Variants in SETD1A observed in about 807,000 individuals in gnomAD.
SETD1A encodes SET domain containing 1A, histone lysine methyltransferase, also known as histone-lysine N-methyltransferase SETD1A.
SETD1A carries 29 observed loss-of-function variants against 149.9 expected under a neutral mutation model. That is an observed-to-expected ratio of 0.19 (90% CI 0.14 to 0.26). The LOEUF is 0.26. SETD1A is among the 10% of genes least tolerant of loss of function. The pLI is 1.00. For synonymous variants in SETD1A, 1,141 were observed against 968.5 expected, an observed-to-expected ratio of 1.18 and a Z score of -3.31; for missense variants, 2,109 against 2,353.1, an observed-to-expected ratio of 0.90 and a Z score of 2.15.
chr16:30,968,086 C>A (rs887829877), intron 10 of SETD1A, among the ~76,000 whole-genome samples: 1 of 152,122 alleles, frequency 6.6e-6, no homozygotes, highest in Non-Finnish European at 1.5e-5. Flanking sequence ...GAAAATGATA[C>A]AAGATCAAAT....
chr16:30,961,144 T>G lies in SETD1A; in HGVS notation c.247-123T>G. ...GATGGATCCCTTATTTTGGGCCCCT[T>G]CCCTTGCCCCTCACTTTCCCGGATC... On this transcript the variant is annotated intron_variant, in intron 3 of 18. Transcript: ENST00000262519. The surrounding 1 kb of genome is among the most constrained non-coding windows in gnomAD (Gnocchi z 4.0). The G allele has an allele frequency of 1.0e-6, 1 of 979,444 alleles. No individual in the cohort carries two copies. Among genetic ancestry groups the G allele is most frequent in the Non-Finnish European group, 1.6e-6 (1 of 631,760 alleles). 60.7% of individuals were successfully genotyped at this position (979,444 alleles called of 1,614,324 possible).
At chr16:30,964,548 C>A in intron 6 of SETD1A, 64 bp from the exon 7 acceptor site, 1 of 1,568,588 alleles carries the variant, frequency 6.4e-7, no homozygotes, top group South Asian at 1.2e-5. Flanking sequence ...GGCCCTGGGA[C>A]CCAGTACGCT....
chr16:30,971,779 GT>G, intron 13 of SETD1A, 60 bp downstream of exon 13: 1 of 1,498,882 alleles, frequency 6.7e-7, no homozygotes, highest in East Asian at 2.3e-5. Flanking sequence ...AGAGAAAACA[GT>G]GGTGCTTGCA....
rs982205150 is a variant in SETD1A, at chr16:30,966,772, A to G, written c.2506-112A>G. On this transcript the variant is annotated intron_variant, in intron 8 of 18. Coordinates refer to ENST00000262519, the MANE Select transcript of SETD1A (RefSeq NM_014712.3). ...GGGCTGGGACAGGTGTGACCAAGATATGGAGCAGCAAGTAGATGCGTTCTG... is the reference window on the plus strand; with the variant it reads ...GGGCTGGGACAGGTGTGACCAAGATGTGGAGCAGCAAGTAGATGCGTTCTG... 3.2e-5 allele frequency: 40 copies of G among 1,238,188 alleles called. No individual in the cohort carries two copies. The Admixed American group carries it at 1.1e-3, about 34-fold the overall frequency. 76.7% of individuals were successfully genotyped at this position (1,238,188 alleles called of 1,614,324 possible).
chr16:30,983,677 A>G lies in SETD1A; in HGVS notation c.4855A>G (p.Ile1619Val). Residue 1619 changes from isoleucine to valine, a missense_variant, in exon 18 of 19, where the codon ATT becomes GTT. This residue lies in a region of SETD1A where 254 missense variants were observed against 409.3 expected (regional missense o/e 0.62). Coordinates refer to ENST00000262519, the MANE Select transcript of SETD1A (RefSeq NM_014712.3). This position sits in a 1 kb window ranked among gnomAD's most constrained non-coding sequence, Gnocchi z 6.8. ...MREKRYVQEGIGSSYLFRVDH... is the reference protein window; with the variant it reads ...MREKRYVQEGVGSSYLFRVDH... ...GGAGAAGCGCTACGTGCAGGAGGGC[A>G]TTGGCAGCAGCTACCTGTTCCGGGT... 6.2e-7 allele frequency: 1 copy of G among 1,613,996 alleles called. No individual in the cohort carries two copies. Among genetic ancestry groups the G allele is most frequent in the Non-Finnish European group, 8.5e-7 (1 of 1,179,980 alleles).
rs1160583620 is a variant in SETD1A at position 30,958,887 on chromosome 16, T to G, written c.150+6T>G. 1 of 1,613,912 alleles carries G rather than the reference T, an allele frequency of 6.2e-7. No individual in the cohort carries two copies. Among genetic ancestry groups the G allele is most frequent in the East Asian group, 2.2e-5 (1 of 44,860 alleles). ...GAGTCCACTTCAGTGTCAACGTGAGTGCCCGGGTCTTTGGTTGCCATCCGG... is the reference window on the plus strand; with the variant it reads ...GAGTCCACTTCAGTGTCAACGTGAGGGCCCGGGTCTTTGGTTGCCATCCGG... On this transcript the variant is annotated splice_donor_region_variant and intron_variant, in intron 2 of 18. Transcript: ENST00000262519.
At chr16:30,960,338 C>G (rs956560652) in intron 3 of SETD1A, among the ~76,000 whole-genome samples, 1 of 152,228 alleles carries the variant, frequency 6.6e-6, no homozygotes, top group South Asian at 2.1e-4. Context: ...TACATCCACA[C>G]CATAACGCTT....
At position 30,965,487 on chromosome 16, in the gene SETD1A, G is replaced by A. The variant is rs528968417; in HGVS notation, c.1719+26G>A. 30 of 1,582,856 alleles carry A rather than the reference G, an allele frequency of 1.9e-5. 1 individual carries two copies. The South Asian group carries it at 3.4e-4, about 18-fold the overall frequency. On this transcript the variant is annotated intron_variant, in intron 7 of 18. Transcript: ENST00000262519. ...GTGAGGTTGGGGTCAGCCAGAGGAG[G>A]CACCTGGGCTCTGGGAGTCAGGGTT...
intron 13 of SETD1A, among the ~76,000 whole-genome samples, chr16:30,973,285 C>T (rs1444474292): frequency 6.6e-6 from 1 of 152,124 alleles, no homozygotes; most frequent in Non-Finnish European, 1.5e-5. Context: ...AAAGGGGCCA[C>T]AGTGGATGTA....
chr16:30,973,779 A>C (rs145290794), intron 13 of SETD1A, among the ~76,000 whole-genome samples: 2 of 152,254 alleles, frequency 1.3e-5, no homozygotes, highest in Admixed American at 1.3e-4. Context: ...GGTGCACTCT[A>C]CTAAGCTCCA....
chr16:30,959,712 C>T (rs2056021891), intron 3 of SETD1A, among the ~76,000 whole-genome samples: 1 of 150,908 alleles, frequency 6.6e-6, no homozygotes, highest in Admixed American at 6.6e-5. Flanking sequence ...TTCTTCCTTT[C>T]TAAATAAATT....
chr16:30,980,680 G>C lies in SETD1A; in HGVS notation c.4581+23G>C, dbSNP rs375588836. 6.2e-7 allele frequency: 1 copy of C among 1,609,870 alleles called. No individual in the cohort carries two copies. Among genetic ancestry groups the C allele is most frequent in the Admixed American group, 1.7e-5 (1 of 59,898 alleles). On this transcript the variant is annotated intron_variant, in intron 15 of 18. Transcript: ENST00000262519. This position sits in a 1 kb window ranked among gnomAD's most constrained non-coding sequence, Gnocchi z 7.7. ...CAGGTGGGCCTAACCCCGCCGCCGCGTCCTCCTGCCACTCACTTCCCTGCC... is the reference window on the plus strand; with the variant it reads ...CAGGTGGGCCTAACCCCGCCGCCGCCTCCTCCTGCCACTCACTTCCCTGCC...
Position 30,979,352 on chromosome 16 carries a change from C to T in SETD1A, c.3566C>T (p.Ala1189Val), listed in dbSNP as rs1346109848. Residue 1189 changes from alanine (A) to valine (V), a missense_variant, in exon 14 of 19, where the codon GCC (alanine) becomes GTC (valine). Physicochemically the swap from Ala to Val is moderately conservative, Grantham distance 64 (BLOSUM62 0). Transcript: ENST00000262519. ...CCCCCTCCAGCCACACCGCCGCAGG[C>T]CAAGTTTCCCGGCCCAGCCTCCCGC... ...PEPPPATPPQ[A>V]KFPGPASRKA... The T allele has an allele frequency of 6.2e-7, 1 of 1,613,038 alleles. No homozygotes were observed. Among genetic ancestry groups the T allele is most frequent in the South Asian group, 1.1e-5 (1 of 90,998 alleles).
intron 12 of SETD1A, 97 bp downstream of exon 12, chr16:30,969,786 T>C (rs1335688568): frequency 3.1e-6 from 3 of 961,402 alleles, no homozygotes; most frequent in Non-Finnish European, 5.1e-6. Context: ...CCTGCTGGGC[T>C]TGTGGGTCAC....
chr16:30,958,578 CG>C, intron 1 of SETD1A, 138 bp from the exon 2 acceptor site: 4 of 688,252 alleles, frequency 5.8e-6, no homozygotes, highest in South Asian at 1.8e-5. Flanking sequence ...GGGGAGAATC[CG>C]GGGGAGCCCC....
Position 30,983,988 on chromosome 16 carries a change from T to A in SETD1A, c.5089T>A (p.Cys1697Ser). 6.2e-7 allele frequency: 1 copy of A among 1,614,010 alleles called. No individual in the cohort carries two copies. The highest frequency in any genetic ancestry group is 8.5e-7 in the Non-Finnish European group (1 of 1,179,930). Residue 1697 changes from cysteine (C) to serine (S), a missense_variant, in exon 19 of 19, where the codon TGT becomes AGT. Around this residue, in one of 8 missense-constraint regions of SETD1A, gnomAD observed 254 missense variants for 409.3 expected, o/e 0.62. Transcript: ENST00000262519. This position sits in a 1 kb window ranked among gnomAD's most constrained non-coding sequence, Gnocchi z 6.8. Reference sequence around the variant, plus strand: ...GGAAGACAACAAGATCCCGTGTCTGTGTGGCACAGAGAGCTGCCGGGGCTC... The same window carrying A: ...GGAAGACAACAAGATCCCGTGTCTGAGTGGCACAGAGAGCTGCCGGGGCTC... Reference protein sequence around the residue: ...PLEDNKIPCLCGTESCRGSLN With the variant: ...PLEDNKIPCLSGTESCRGSLN
At chr16:30,963,956 G>A in intron 5 of SETD1A, 138 bp from the exon 6 acceptor site, 1 of 703,642 alleles carries the variant, frequency 1.4e-6, no homozygotes, top group Non-Finnish European at 2.4e-6. Context: ...CACGCCACTG[G>A]ACTCCAGCCT....
At chr16:30,978,903 G>A (rs1216759912) in intron 13 of SETD1A, among the ~76,000 whole-genome samples, 2 of 152,196 alleles carry the variant, frequency 1.3e-5, no homozygotes, top group Non-Finnish European at 2.9e-5. Flanking sequence ...CATGGAAGGT[G>A]TGTGTGTGGA....
intron 13 of SETD1A, among the ~76,000 whole-genome samples, chr16:30,978,741 C>T (rs1215890371): frequency 6.6e-6 from 1 of 152,220 alleles, no homozygotes; most frequent in African/African-American, 2.4e-5. Context: ...CTGACTGGGT[C>T]CTTGGCATGT....
Sources: gnomAD v4.1 joint callset for allele counts (sites outside exome capture counted in the v4.1 genomes callset) on GRCh38, gnomAD v4.1.1 for gene constraint, gnomAD v4.1.1 regional missense constraint, Gnocchi (gnomAD v3.1) non-coding constraint, MANE v1.5 for transcripts, NCBI Gene and HGNC (gene_info 2026-07-23, HGNC 2026-07-21) for gene names.